Variants in ROBO2 observed in about 807,000 individuals in gnomAD.
ROBO2 encodes the protein roundabout homolog 2.
In ROBO2, 53 loss-of-function variants were observed where a neutral mutation model predicts 160.8. That is an observed-to-expected ratio of 0.33 (90% CI 0.26 to 0.41). ROBO2 has a LOEUF of 0.41. ROBO2 is among the 10% of genes least tolerant of loss of function. The pLI is 1.00. For synonymous variants in ROBO2, 664 were observed against 611.7 expected (o/e 1.09, Z -1.26); for missense variants, 1,577 against 1,722.4 (o/e 0.92, Z 1.49).
chr3:76,649,601 C>T (rs9866994), intron 2 of ROBO2, among the ~76,000 whole-genome samples: 103,433 of 151,976 alleles, frequency 0.68, 36,073 homozygotes, highest in African/African-American at 0.83. Flanking sequence ...TATCCAGTGA[C>T]CTTCACTGGT....
intron 2 of ROBO2, among the ~76,000 whole-genome samples, chr3:76,438,251 C>A (rs1287214911): frequency 6.6e-6 from 1 of 151,892 alleles, no homozygotes; most frequent in Non-Finnish European, 1.5e-5. Context: ...CTAAAATATG[C>A]CATCCTCAAT....
At chr3:76,892,407 C>A (rs763473983) in intron 2 of ROBO2, among the ~76,000 whole-genome samples, 1 of 152,162 alleles carries the variant, frequency 6.6e-6, no homozygotes, top group Non-Finnish European at 1.5e-5. Flanking sequence ...TTACCATAAT[C>A]TCAAAATCAA....
At chr3:76,472,526 C>T (rs921913282) in intron 2 of ROBO2, among the ~76,000 whole-genome samples, 4 of 152,030 alleles carry the variant, frequency 2.6e-5, no homozygotes, top group African/African-American at 4.8e-5. Context: ...TCTCCAGCCA[C>T]GACATTGATT....
chr3:76,937,960 A>C (rs895161262), intron 2 of ROBO2, among the ~76,000 whole-genome samples: 2 of 152,228 alleles, frequency 1.3e-5, no homozygotes, highest in Non-Finnish European at 2.9e-5. Context: ...CTAGGATTCA[A>C]GTAAAACACC....
Position 76,925,141 on chromosome 3 carries a change from G to A in ROBO2, c.110-172873G>A, listed in dbSNP as rs2076900836. Among the ~76,000 whole-genome samples, 3 of 147,816 alleles carry A rather than the reference G, an allele frequency of 2.0e-5. No homozygotes were observed. The South Asian group carries it at 6.4e-4, about 32-fold the overall frequency. The stretch of plus-strand genomic sequence containing the variant: ...GAGGAGAATGGCGTGAACCCGGGAG[G>A]CGGAGCTTGCAGTGAGCCGAGATCC... On this transcript the variant is annotated intron_variant, in intron 2 of 26. Transcript: ENST00000487694.
At chr3:76,749,447 A>T (rs2093944329) in intron 2 of ROBO2, among the ~76,000 whole-genome samples, 1 of 151,992 alleles carries the variant, frequency 6.6e-6, no homozygotes, top group South Asian at 2.1e-4. Flanking sequence ...ATTAAAAGAT[A>T]TCAGAGAGCT....
intron 2 of ROBO2, among the ~76,000 whole-genome samples, chr3:76,775,592 A>G (rs1036958449): frequency 1.3e-5 from 2 of 150,830 alleles, no homozygotes; most frequent in African/African-American, 4.8e-5. Flanking sequence ...CAAAAATACC[A>G]AATATAAAAC....
chr3:76,248,655 AAAC>A (rs1430188880), intron 2 of ROBO2, among the ~76,000 whole-genome samples: 1 of 117,028 alleles, frequency 8.5e-6, no homozygotes, highest in Non-Finnish European at 1.8e-5. Flanking sequence ...AAAAGAAAAA[AAAC>A]TTAAAAAAAA....
chr3:76,974,808 T>C (rs568857761), intron 2 of ROBO2, among the ~76,000 whole-genome samples: 2 of 152,286 alleles, frequency 1.3e-5, no homozygotes, highest in South Asian at 4.1e-4. Flanking sequence ...TAGAGGGCTT[T>C]GTGGGATAGT....
chr3:76,825,298 T>A (rs2066468904), intron 2 of ROBO2, among the ~76,000 whole-genome samples: 2 of 152,152 alleles, frequency 1.3e-5, no homozygotes, highest in Admixed American at 1.3e-4. Context: ...ACACTGGACA[T>A]GTTGTGAAAT....
intron 2 of ROBO2, among the ~76,000 whole-genome samples, chr3:77,356,809 C>T (rs986820650): frequency 7.2e-5 from 11 of 151,910 alleles, no homozygotes; most frequent in Admixed American, 3.9e-4. Flanking sequence ...ATATATGACA[C>T]GATATTTAAT....
intron 2 of ROBO2, among the ~76,000 whole-genome samples, chr3:77,325,700 A>C (rs2065304842): frequency 1.3e-5 from 2 of 152,210 alleles, no homozygotes; most frequent in Non-Finnish European, 2.9e-5. Flanking sequence ...TTTATTGTTA[A>C]GTAATCTTTT....
intron 2 of ROBO2, among the ~76,000 whole-genome samples, chr3:76,119,297 T>A (rs1007775277): frequency 6.6e-6 from 1 of 152,300 alleles, no homozygotes; most frequent in Admixed American, 6.5e-5. Context: ...GTGTGTTTTC[T>A]GTTCAATTCA....
intron 2 of ROBO2, among the ~76,000 whole-genome samples, chr3:77,034,211 T>G (rs1481260455): frequency 6.6e-6 from 1 of 151,864 alleles, no homozygotes; most frequent in Non-Finnish European, 1.5e-5. Context: ...ATTGCTTTAT[T>G]TGCAAGTTTT....
intron 2 of ROBO2, among the ~76,000 whole-genome samples, chr3:77,251,364 G>A (rs1020295342): frequency 1.6e-4 from 24 of 152,148 alleles, no homozygotes; most frequent in Non-Finnish European, 2.9e-4. Context: ...GGTGGCCAAA[G>A]GGTGCTGTTT....
intron 2 of ROBO2, among the ~76,000 whole-genome samples, chr3:76,397,928 G>T (rs1159827364): frequency 6.6e-6 from 1 of 151,898 alleles, no homozygotes; most frequent in Non-Finnish European, 1.5e-5. Context: ...GATTCCTCAG[G>T]GATCTAGAAC....
intron 2 of ROBO2, among the ~76,000 whole-genome samples, chr3:77,313,733 C>T (rs772617974): frequency 2.6e-4 from 40 of 151,986 alleles, no homozygotes; most frequent in Admixed American, 5.3e-4. Context: ...TACAGGCATG[C>T]GCCACCACGC....
At chr3:76,349,525 A>T (rs2074742967) in intron 2 of ROBO2, among the ~76,000 whole-genome samples, 1 of 152,080 alleles carries the variant, frequency 6.6e-6, no homozygotes. Flanking sequence ...CTGAATTTAC[A>T]CTTAGAAAAT....
intron 2 of ROBO2, among the ~76,000 whole-genome samples, chr3:76,927,873 A>G (rs2077081520): frequency 6.6e-6 from 1 of 152,174 alleles, no homozygotes; most frequent in South Asian, 2.1e-4. Context: ...TGAAGTGGTT[A>G]TGGAGGGAGA....
Sources: gnomAD v4.1 joint callset for allele counts (sites outside exome capture counted in the v4.1 genomes callset) on GRCh38, gnomAD v4.1.1 for gene constraint, MANE v1.5 for transcripts, NCBI Gene and HGNC (gene_info 2026-07-23, HGNC 2026-07-21) for gene names.